Variants in AP3M2 observed in about 807,000 individuals in gnomAD.
The protein encoded by AP3M2 is adaptor related protein complex 3 subunit mu 2, also known as AP-3 complex subunit mu-2.
AP3M2 carries 28 observed loss-of-function variants against 41.6 expected under a neutral mutation model. The ratio of observed to expected loss-of-function variants is 0.67; its 90% CI spans 0.50 to 0.92. AP3M2 has a LOEUF of 0.92. Among genes scored for constraint, AP3M2 ranks in the 40% least tolerant of loss-of-function variants. AP3M2 has a pLI of 0.00. For synonymous variants in AP3M2, 193 were observed against 186.4 expected, an observed-to-expected ratio of 1.04 and a Z score of -0.29; for missense variants, 427 against 521.4, an observed-to-expected ratio of 0.82 and a Z score of 1.76.
In AP3M2 at chr8:42,165,529, C is replaced by T. The variant is rs374166080; in HGVS notation, c.772C>T (p.Arg258Cys). Reference sequence around the variant, plus strand: ...CTTCATCCCTCCTGATGGAAACTTCCGCCTGCTGTCTTACCATGTCAGTGC... The same window carrying T: ...CTTCATCCCTCCTGATGGAAACTTCTGCCTGCTGTCTTACCATGTCAGTGC... ...LSFIPPDGNF[R>C]LLSYHVSAQN... Residue 258 changes from arginine to cysteine, a missense_variant, in exon 6 of 9, where the codon CGC becomes TGC. Physicochemically the swap from Arg to Cys is radical, Grantham distance 180. Coordinates refer to ENST00000396926, the MANE Select transcript of AP3M2 (RefSeq NM_006803.4). The T allele has an allele frequency of 1.2e-5, 20 of 1,614,016 alleles. No individual in the cohort carries two copies. The East Asian group carries it at 3.8e-4, about 31-fold the overall frequency.
chr8:42,167,448 A>C, intron 7 of AP3M2, 77 bp downstream of exon 7: 2 of 1,542,450 alleles, frequency 1.3e-6, no homozygotes, highest in Non-Finnish European at 1.8e-6. Flanking sequence ...TAGACTCTAG[A>C]CCTTGTTTGG....
chr8:42,160,514 G>A (rs1015949502), intron 3 of AP3M2, among the ~76,000 whole-genome samples: 6 of 152,176 alleles, frequency 3.9e-5, no homozygotes, highest in African/African-American at 1.4e-4. Context: ...CTAGGTTAAG[G>A]AGTTAAACAC....
intron 4 of AP3M2, among the ~76,000 whole-genome samples, chr8:42,162,919 C>T (rs1403534690): frequency 1.6e-5 from 2 of 124,786 alleles, no homozygotes; most frequent in Non-Finnish European, 3.2e-5. Context: ...GCACTCCAGC[C>T]TGGGCAACAG....
chr8:42,165,018 G>A, intron 4 of AP3M2, 53 bp from the exon 5 acceptor site: 1 of 1,512,240 alleles, frequency 6.6e-7, no homozygotes, highest in Non-Finnish European at 9.1e-7. Context: ...TTGTTGAGAA[G>A]GACAGAGAAG....
chr8:42,162,448 A>G, intron 4 of AP3M2, 30 bp downstream of exon 4: 1 of 1,576,104 alleles, frequency 6.3e-7, no homozygotes, highest in Middle Eastern at 1.7e-4. Flanking sequence ...TCTCAGAAAT[A>G]TGAAAATAGA....
intron 3 of AP3M2, among the ~76,000 whole-genome samples, chr8:42,159,405 G>A (rs999479004): frequency 1.3e-5 from 2 of 152,128 alleles, no homozygotes; most frequent in African/African-American, 4.8e-5. Context: ...TAATTTTTTA[G>A]AAACATTGGC....
At chr8:42,154,150 C>G (rs1804290670) in intron 1 of AP3M2, 1 of 154,544 alleles carries the variant, frequency 6.5e-6, no homozygotes, top group African/African-American at 2.4e-5. Context: ...TCAGTCCGCA[C>G]CAGCCACCTT....
At chr8:42,160,805 T>C (rs775352292) in intron 3 of AP3M2, among the ~76,000 whole-genome samples, 1 of 152,250 alleles carries the variant, frequency 6.6e-6, no homozygotes, top group Non-Finnish European at 1.5e-5. Flanking sequence ...TTCCCTAGAC[T>C]GCTTTGATTA....
At chr8:42,163,053 A>C (rs975593653) in intron 4 of AP3M2, among the ~76,000 whole-genome samples, 58 of 151,996 alleles carry the variant, frequency 3.8e-4, no homozygotes, top group African/African-American at 1.4e-3. Flanking sequence ...CTAAAGTTGT[A>C]ATCACAAAAT....
intron 3 of AP3M2, among the ~76,000 whole-genome samples, chr8:42,159,720 TAATC>T (rs1804453766): frequency 6.6e-6 from 1 of 152,238 alleles, no homozygotes; most frequent in Admixed American, 6.5e-5. Flanking sequence ...TTAATCAAAT[TAATC>T]ATTCTTTTCA....
chr8:42,159,814 A>G (rs565450870), intron 3 of AP3M2, among the ~76,000 whole-genome samples: 1 of 152,230 alleles, frequency 6.6e-6, no homozygotes, highest in African/African-American at 2.4e-5. Flanking sequence ...TGAAAAATAC[A>G]TTTTAAAAGT....
chr8:42,156,078 C>T (rs1375207354), intron 2 of AP3M2: 1 of 451,770 alleles, frequency 2.2e-6, no homozygotes, highest in Non-Finnish European at 4.4e-6. Flanking sequence ...ACTAGAAGAA[C>T]CCAGGAGTTG....
At chr8:42,168,201 C>A (rs541900796) in intron 8 of AP3M2, 1 of 461,792 alleles carries the variant, frequency 2.2e-6, no homozygotes, top group African/African-American at 2.0e-5. Context: ...TTTCAGAAGA[C>A]TTTCATGTTT....
chr8:42,154,322 CG>C (rs1356403245), intron 1 of AP3M2: 2 of 194,804 alleles, frequency 1.0e-5, no homozygotes, highest in African/African-American at 4.7e-5. Context: ...ACATGAGGCA[CG>C]GCCCTTTTCT....
At chr8:42,157,574 T>C (rs1804387016) in intron 2 of AP3M2, among the ~76,000 whole-genome samples, 1 of 152,252 alleles carries the variant, frequency 6.6e-6, no homozygotes, top group Non-Finnish European at 1.5e-5. Flanking sequence ...TTTCATGTAC[T>C]GTTCTTTGTT....
chr8:42,154,945 G>T lies in AP3M2; in HGVS notation c.258G>T (p.Val86=), dbSNP rs765808281. Residue 86 remains valine (V), a synonymous_variant, in exon 2 of 9, where the codon GTG becomes GTT. Coordinates refer to ENST00000396926, the MANE Select transcript of AP3M2 (RefSeq NM_006803.4). Reference sequence around the variant, plus strand: ...TTGTCATTGAGTTTCTTCACCGAGTGGTGGACACATTTCAGGTTCGTGAAT... The same window carrying T: ...TTGTCATTGAGTTTCTTCACCGAGTTGTGGACACATTTCAGGTTCGTGAAT... ...PLFVIEFLHR[V]VDTFQDYFGV... 1 of 1,613,830 alleles carries T rather than the reference G, an allele frequency of 6.2e-7. No individual in the cohort carries two copies. Among genetic ancestry groups the T allele is most frequent in the Admixed American group, 1.7e-5 (1 of 60,008 alleles).
At chr8:42,167,001 T>A in intron 6 of AP3M2, 163 bp from the exon 7 acceptor site, 1 of 628,120 alleles carries the variant, frequency 1.6e-6, no homozygotes, top group East Asian at 2.8e-5. Context: ...AAAGAAAAAA[T>A]TAGATTACTG....
chr8:42,165,607 A>C, intron 6 of AP3M2, 47 bp downstream of exon 6: 1 of 1,603,768 alleles, frequency 6.2e-7, no homozygotes, highest in South Asian at 1.1e-5. Flanking sequence ...ATGTACATGT[A>C]TGTGGAAACC....
At chr8:42,167,605 C>A in intron 7 of AP3M2, 61 bp from the exon 8 acceptor site, 4 of 1,563,918 alleles carry the variant, frequency 2.6e-6, no homozygotes, top group Non-Finnish European at 3.5e-6. Flanking sequence ...ACCTCAAATG[C>A]AGGATTCTGC....
Sources: allele counts gnomAD v4.1 joint callset (sites outside exome capture counted in the v4.1 genomes callset), GRCh38; gene constraint gnomAD v4.1.1; transcripts MANE v1.5; gene names NCBI Gene and HGNC (gene_info 2026-07-23, HGNC 2026-07-21).